The following POLDIP3 variants were observed in gnomAD, a reference collection of about 807,000 sequenced individuals.
POLDIP3 encodes the protein DNA polymerase delta interacting protein 3.
POLDIP3 carries 14 observed loss-of-function variants against 45.1 expected under a neutral mutation model. The ratio of observed to expected loss-of-function variants is 0.31; its 90% CI spans 0.20 to 0.49. The LOEUF (loss-of-function observed/expected upper bound fraction) is 0.49, where lower values mean the gene tolerates loss of function less well. Ranked by LOEUF, POLDIP3 falls within the 20% of genes least tolerant of loss-of-function variation. POLDIP3 has a pLI of 0.99. For synonymous variants in POLDIP3, 223 were observed against 205.2 expected (o/e 1.09, Z -0.74); for missense variants, 511 against 538.8 (o/e 0.95, Z 0.51).
chr22:42,590,117 G>C (rs987522813), intron 7 of POLDIP3, among the ~76,000 whole-genome samples: 3 of 152,174 alleles, frequency 2.0e-5, no homozygotes, highest in Non-Finnish European at 2.9e-5. Context: ...AATAATTCAA[G>C]ATGAATGAAA....
intron 1 of POLDIP3, among the ~76,000 whole-genome samples, chr22:42,610,763 A>C (rs903676299): frequency 2.0e-5 from 3 of 152,144 alleles, no homozygotes; most frequent in Non-Finnish European, 2.9e-5. Flanking sequence ...ATAATTAGCC[A>C]GGCATGATGG....
intron 1 of POLDIP3, among the ~76,000 whole-genome samples, chr22:42,604,656 T>C (rs28417761): frequency 0.16 from 24,307 of 152,098 alleles, 3,519 homozygotes; most frequent in East Asian, 0.66. Context: ...TGGAGTGAGA[T>C]TGGCTGTCAG....
chr22:42,605,188 C>T (rs566375461), intron 1 of POLDIP3, among the ~76,000 whole-genome samples: 4 of 152,186 alleles, frequency 2.6e-5, no homozygotes, highest in Non-Finnish European at 2.9e-5. Context: ...AGTGCAGTGG[C>T]GCAATCTTGG....
intron 7 of POLDIP3, among the ~76,000 whole-genome samples, chr22:42,588,235 C>T (rs1194231327): frequency 6.6e-6 from 1 of 152,090 alleles, no homozygotes; most frequent in Non-Finnish European, 1.5e-5. Context: ...GCGGGTGGAT[C>T]ACGAAGTCAG....
In POLDIP3 at chr22:42,595,539, C is replaced by T; in HGVS notation, c.889G>A (p.Val297Ile). The change falls in exon 6 of 9, where the codon GTT becomes ATT. Residue 297 changes from valine (V) to isoleucine (I), a missense_variant and splice_region_variant. Val to Ile is a conservative substitution (Grantham distance 29). Around this residue, in one of 4 missense-constraint regions of POLDIP3, gnomAD observed 66 missense variants for 118.1 expected, o/e 0.56. Coordinates refer to ENST00000252115, the MANE Select transcript of POLDIP3 (RefSeq NM_032311.5). ...GTTTGGTAGGTCACAGTACTTACAA[C>T]AATGTCCTCCTCAGTGACTCGAGGG... ...LHPRVTEEDIVELFCVCGALK... is the reference protein window; with the variant it reads ...LHPRVTEEDIIELFCVCGALK... 1 of 1,613,728 alleles carries T rather than the reference C, an allele frequency of 6.2e-7. No homozygotes were observed. The highest frequency in any genetic ancestry group is 1.1e-5 in the South Asian group (1 of 91,068).
At chr22:42,608,857 A>G (rs1320190232) in intron 1 of POLDIP3, among the ~76,000 whole-genome samples, 1 of 152,162 alleles carries the variant, frequency 6.6e-6, no homozygotes, top group Non-Finnish European at 1.5e-5. Flanking sequence ...ATTTCCCTCA[A>G]TCTGATGCAC....
intron 8 of POLDIP3, 24 bp downstream of exon 8, chr22:42,587,482 C>G: frequency 6.2e-7 from 1 of 1,605,472 alleles, no homozygotes; most frequent in Non-Finnish European, 8.5e-7. Context: ...TGCCTCTCCC[C>G]AGCACCCCGC....
intron 6 of POLDIP3, among the ~76,000 whole-genome samples, chr22:42,595,289 T>G (rs1925914974): frequency 6.6e-6 from 1 of 152,222 alleles, no homozygotes. Context: ...TTGCTGCGAG[T>G]TGCACCCAGC....
At chr22:42,604,419 T>G (rs1432430900) in intron 1 of POLDIP3, among the ~76,000 whole-genome samples, 1 of 152,298 alleles carries the variant, frequency 6.6e-6, no homozygotes, top group South Asian at 2.1e-4. Flanking sequence ...CCACCCTAGA[T>G]GCTGAATCCA....
intron 7 of POLDIP3, among the ~76,000 whole-genome samples, chr22:42,590,922 A>C (rs1826750387): frequency 6.6e-6 from 1 of 152,058 alleles, no homozygotes; most frequent in African/African-American, 2.4e-5. Context: ...AAATACAAAA[A>C]AATTAGCTGG....
chr22:42,585,070 GT>G lies in POLDIP3; in HGVS notation c.*720del. On this transcript the variant is annotated 3_prime_UTR_variant, in exon 9 of 9. Coordinates refer to ENST00000252115, the MANE Select transcript of POLDIP3 (RefSeq NM_032311.5). ...CACCCAGAAGGGAAAGAGAGCTGGG[GT>G]GGGGCATTCAGCACAACTCAAGGAA... The G allele has an allele frequency of 2.2e-6, 1 of 451,620 alleles. No homozygotes were observed. The highest frequency in any genetic ancestry group is 1.6e-5 in the South Asian group (1 of 63,996). The allele number at this position is 451,620 out of a possible 1,614,324, so 28.0% of individuals were successfully genotyped here.
chr22:42,607,093 T>C (rs937855950), intron 1 of POLDIP3, among the ~76,000 whole-genome samples: 2 of 152,176 alleles, frequency 1.3e-5, no homozygotes, highest in Non-Finnish European at 2.9e-5. Context: ...GGCAAAACCC[T>C]GTCTCTACAA....
chr22:42,596,237 G>A lies in POLDIP3; in HGVS notation c.762C>T (p.Ser254=). The A allele has an allele frequency of 6.2e-7, 1 of 1,614,184 alleles. No individual in the cohort carries two copies. The highest frequency in any genetic ancestry group is 1.3e-5 in the African/African-American group (1 of 75,030). ...GTTCTTCCTTGTTCACCAGTGTCCG[G>A]GACATGTTGGTCAAGGCTTTTGTTC... ...SIRTKALTNM[S]RTLVNKEEPP... Residue 254 remains serine, a synonymous_variant, in exon 5 of 9, where the codon TCC becomes TCT. Coordinates refer to ENST00000252115, the MANE Select transcript of POLDIP3 (RefSeq NM_032311.5).
intron 1 of POLDIP3, among the ~76,000 whole-genome samples, chr22:42,606,312 G>A (rs1194123648): frequency 6.6e-6 from 1 of 151,926 alleles, no homozygotes; most frequent in Admixed American, 6.6e-5. Flanking sequence ...CTTGAGCCCA[G>A]GAGATCGAGA....
intron 3 of POLDIP3, 35 bp from the exon 4 acceptor site, chr22:42,599,828 T>C (rs1926239642): frequency 4.0e-6 from 6 of 1,493,296 alleles, no homozygotes; most frequent in African/African-American, 2.8e-5. Context: ...TAAGCAAATG[T>C]GGCATCTGGG....
intron 7 of POLDIP3, among the ~76,000 whole-genome samples, chr22:42,591,244 A>T (rs1253493795): frequency 6.6e-6 from 1 of 152,224 alleles, no homozygotes; most frequent in Non-Finnish European, 1.5e-5. Flanking sequence ...GCCAATAAGC[A>T]CATGAAAAGG....
intron 8 of POLDIP3, 135 bp downstream of exon 8, chr22:42,587,371 A>T: frequency 1.1e-6 from 1 of 926,406 alleles, no homozygotes; most frequent in Non-Finnish European, 1.7e-6. Context: ...AGCATATGAA[A>T]CGGCCAGCTG....
chr22:42,611,883 A>G (rs1401159666), intron 1 of POLDIP3, among the ~76,000 whole-genome samples: 1 of 152,228 alleles, frequency 6.6e-6, no homozygotes, highest in Admixed American at 6.5e-5. Flanking sequence ...TCTCAAAAAA[A>G]ATAAAGAAAT....
chr22:42,592,344 A>C lies in POLDIP3; in HGVS notation c.892-260T>G, dbSNP rs777895897. ...GGGATCTCCCAGCAAGCCACCACCA[A>C]AGTCTTCAGTGCCCACCTCAACAGG... On this transcript the variant is annotated intron_variant, in intron 6 of 8. Coordinates refer to ENST00000252115, the MANE Select transcript of POLDIP3 (RefSeq NM_032311.5). Among the ~76,000 whole-genome samples the C allele has an allele frequency of 1.7e-4, 26 of 152,252 alleles. 1 individual carries two copies. The highest frequency in any genetic ancestry group is 6.3e-3 in the Middle Eastern group (2 of 316).
Sources: gnomAD v4.1 joint callset for allele counts (sites outside exome capture counted in the v4.1 genomes callset) on GRCh38, gnomAD v4.1.1 for gene constraint, gnomAD v4.1.1 regional missense constraint, MANE v1.5 for transcripts, NCBI Gene and HGNC (gene_info 2026-07-23, HGNC 2026-07-21) for gene names.